Variants in CACNA2D1 observed in about 807,000 individuals in gnomAD.
CACNA2D1 encodes calcium voltage-gated channel auxiliary subunit alpha2delta 1.
Under a neutral mutation model 171.5 loss-of-function variants are expected in CACNA2D1, and 53 were observed. That is an observed-to-expected ratio of 0.31 (90% CI 0.25 to 0.39). CACNA2D1 has a LOEUF of 0.39. Ranked by LOEUF, CACNA2D1 falls within the 10% of genes least tolerant of loss-of-function variation. The probability of loss-of-function intolerance (pLI) is 1.00; values close to 1 mark genes in which losing one functional copy is unlikely to be tolerated. For synonymous variants in CACNA2D1, 442 were observed against 443.1 expected (o/e 1.00, Z 0.03); for missense variants, 903 against 1,299.8 (o/e 0.69, Z 4.69).
intron 36 of CACNA2D1, 29 bp from the exon 37 acceptor site, chr7:81,959,858 A>G (rs1461674080): frequency 3.1e-6 from 5 of 1,604,634 alleles, no homozygotes; most frequent in Non-Finnish European, 4.3e-6. Flanking sequence ...ATCATAGAAA[A>G]TGAGTATCTT....
At chr7:82,401,904 T>A (rs1585827750) in intron 1 of CACNA2D1, among the ~76,000 whole-genome samples, 1 of 151,866 alleles carries the variant, frequency 6.6e-6, no homozygotes. Flanking sequence ...TTTACATGCA[T>A]AAGAAAAAAA....
intron 3 of CACNA2D1, among the ~76,000 whole-genome samples, chr7:82,259,466 G>A (rs1481237609): frequency 6.6e-6 from 1 of 152,138 alleles, no homozygotes; most frequent in Non-Finnish European, 1.5e-5. Context: ...GCAGTCTAAA[G>A]CTTTCATGTG....
intron 3 of CACNA2D1, among the ~76,000 whole-genome samples, chr7:82,210,296 T>C (rs1010813660): frequency 2.0e-5 from 3 of 152,174 alleles, no homozygotes; most frequent in African/African-American, 7.2e-5. Flanking sequence ...ATTTACTCTA[T>C]TTATTGGTCT....
At chr7:82,032,087 T>C (rs1802769891) in intron 12 of CACNA2D1, among the ~76,000 whole-genome samples, 1 of 151,944 alleles carries the variant, frequency 6.6e-6, no homozygotes, top group Non-Finnish European at 1.5e-5. Context: ...ATAGGACGGC[T>C]AGAAAAAGTA....
chr7:82,196,447 T>C (rs900475802), intron 3 of CACNA2D1, among the ~76,000 whole-genome samples: 2 of 152,046 alleles, frequency 1.3e-5, no homozygotes, highest in African/African-American at 4.8e-5. Context: ...ACTGCATTGC[T>C]ACAGTAGGGA....
chr7:82,413,865 T>C (rs1827919663), intron 1 of CACNA2D1, among the ~76,000 whole-genome samples: 1 of 152,072 alleles, frequency 6.6e-6, no homozygotes, highest in Admixed American at 6.6e-5. Flanking sequence ...CAGAATGTAA[T>C]ATATATATAA....
intron 6 of CACNA2D1, among the ~76,000 whole-genome samples, chr7:82,087,390 C>A (rs1228655968): frequency 6.6e-6 from 1 of 152,062 alleles, no homozygotes; most frequent in Admixed American, 6.5e-5. Context: ...GTTCACTGAA[C>A]AATGTTCTTC....
At chr7:82,073,385 CTG>C (rs1179926355) in intron 7 of CACNA2D1, among the ~76,000 whole-genome samples, 1 of 152,088 alleles carries the variant, frequency 6.6e-6, no homozygotes, top group Non-Finnish European at 1.5e-5. Context: ...ATGCACAGAA[CTG>C]TGTTAGGTGA....
intron 2 of CACNA2D1, 110 bp downstream of exon 2, chr7:82,349,458 C>A: frequency 1.1e-6 from 1 of 899,148 alleles, no homozygotes; most frequent in Non-Finnish European, 1.9e-6. Context: ...ACCAGATCCA[C>A]ATGAGAAATC....
intron 38 of CACNA2D1, among the ~76,000 whole-genome samples, chr7:81,951,987 T>TC (rs71083055): frequency 6.7e-6 from 1 of 148,602 alleles, no homozygotes; most frequent in Non-Finnish European, 1.5e-5. Flanking sequence ...TTTTTTTTTT[T>TC]TTTTAACCAC....
chr7:82,030,668 A>T (rs1022568082), intron 12 of CACNA2D1, among the ~76,000 whole-genome samples: 9 of 151,796 alleles, frequency 5.9e-5, no homozygotes, highest in Non-Finnish European at 1.3e-4. Context: ...GAAAGGAAAA[A>T]AATGATTTAT....
intron 1 of CACNA2D1, among the ~76,000 whole-genome samples, chr7:82,403,697 C>T (rs1826706337): frequency 6.6e-6 from 1 of 152,194 alleles, no homozygotes; most frequent in Non-Finnish European, 1.5e-5. Context: ...AACATGGAAT[C>T]AGCACCCCTA....
In CACNA2D1 at chr7:82,443,759, G is replaced by A; in HGVS notation, c.-300C>T. The A allele has an allele frequency of 8.8e-7, 1 of 1,132,638 alleles. No individual in the cohort carries two copies. Among genetic ancestry groups the A allele is most frequent in the Middle Eastern group, 3.3e-4 (1 of 3,030 alleles). The allele number at this position is 1,132,638 out of a possible 1,614,324, so 70.2% of individuals were successfully genotyped here. A position where few individuals can be genotyped will look rare whatever the true frequency, so the allele number is the denominator to read the frequency against. ...GAAACAGACCTCGGCGAGCCCGCCG[G>A]CGCTCGCGCGCTCTCGCTCTCCCTC... On this transcript the variant is annotated 5_prime_UTR_variant, in exon 1 of 39. Transcript: ENST00000356860.
chr7:82,336,369 A>AT (rs1818002580), intron 2 of CACNA2D1, among the ~76,000 whole-genome samples: 1 of 152,184 alleles, frequency 6.6e-6, no homozygotes, highest in African/African-American at 2.4e-5. Flanking sequence ...TGGACTTATA[A>AT]TTTTTTATTT....
At chr7:82,105,778 C>G (rs1787685989) in intron 6 of CACNA2D1, among the ~76,000 whole-genome samples, 1 of 152,114 alleles carries the variant, frequency 6.6e-6, no homozygotes, top group South Asian at 2.1e-4. Context: ...TCTTCAATCA[C>G]ATGGCAATCT....
At chr7:82,365,531 G>A (rs1020867452) in intron 1 of CACNA2D1, among the ~76,000 whole-genome samples, 4 of 152,122 alleles carry the variant, frequency 2.6e-5, no homozygotes, top group Non-Finnish European at 5.9e-5. Context: ...TCCTTTCATT[G>A]TGAGTAAGGG....
chr7:82,162,852 T>C (rs531575987), intron 4 of CACNA2D1, among the ~76,000 whole-genome samples: 2 of 152,092 alleles, frequency 1.3e-5, no homozygotes, highest in South Asian at 2.1e-4. Context: ...AATGTCAAAA[T>C]GTATTCCACT....
At chr7:82,018,055 T>C (rs930822709) in intron 12 of CACNA2D1, among the ~76,000 whole-genome samples, 1 of 152,178 alleles carries the variant, frequency 6.6e-6, no homozygotes, top group Non-Finnish European at 1.5e-5. Flanking sequence ...TCTCAACATA[T>C]ATGATTTTAT....
chr7:82,327,646 G>T (rs1310868201), intron 3 of CACNA2D1, among the ~76,000 whole-genome samples: 1 of 152,164 alleles, frequency 6.6e-6, no homozygotes, highest in Non-Finnish European at 1.5e-5. Flanking sequence ...GGAGAATGTG[G>T]TAGAGGTCTA....
Sources: gnomAD v4.1 joint callset for allele counts (sites outside exome capture counted in the v4.1 genomes callset) on GRCh38, gnomAD v4.1.1 for gene constraint, MANE v1.5 for transcripts, NCBI Gene and HGNC (gene_info 2026-07-23, HGNC 2026-07-21) for gene names.